DUXA: variants seen among roughly 807,000 people sequenced by gnomAD.
DUXA encodes the protein double homeobox protein A.
DUXA carries 25 observed loss-of-function variants against 27.5 expected under a neutral mutation model. That is an observed-to-expected ratio of 0.91 (90% CI 0.66 to 1.27). The LOEUF is 1.27. Among genes scored for constraint, DUXA ranks in the 50% most tolerant of loss-of-function variants. The pLI is 0.00. For synonymous variants in DUXA, 90 were observed against 80.5 expected (o/e 1.12, Z -0.63); for missense variants, 247 against 242.9 (o/e 1.02, Z -0.11).
intron 5 of DUXA, 56 bp from the exon 6 acceptor site, chr19:57,154,538 A>C: frequency 7.2e-7 from 1 of 1,382,462 alleles, no homozygotes; most frequent in Non-Finnish European, 1.0e-6. Flanking sequence ...ATATTCACAA[A>C]CATGGACGTC....
In DUXA at chr19:57,159,181, C is replaced by T; in HGVS notation, c.278G>A (p.Gly93Asp). ...SSQSQGQDQP[G>D]VEFQSREARR... Reference sequence around the variant, plus strand: ...GGGTTATTTACTTTGAAACTCCACACCAGGTTGATCTTGCCCCTGGCTCTG... The same window carrying T: ...GGGTTATTTACTTTGAAACTCCACATCAGGTTGATCTTGCCCCTGGCTCTG... The change falls in exon 3 of 6, where the codon GGT (glycine) becomes GAT (aspartate). Residue 93 changes from glycine (G) to aspartate (D), a missense_variant. By Grantham distance (94) the Gly-to-Asp change is moderately conservative (BLOSUM62 -1). Transcript: ENST00000554048. The T allele has an allele frequency of 6.2e-7, 1 of 1,613,900 alleles. No individual in the cohort carries two copies. The highest frequency in any genetic ancestry group is 1.1e-5 in the South Asian group (1 of 91,056).
intron 4 of DUXA, among the ~76,000 whole-genome samples, 166 bp from the exon 5 acceptor site, chr19:57,155,538 T>G (rs1473988566): frequency 6.6e-6 from 1 of 151,782 alleles, no homozygotes; most frequent in African/African-American, 2.4e-5. Context: ...TTAAACTTTT[T>G]GTAGAGACGA....
rs147111730 is a variant in DUXA, at chr19:57,161,111, G to C, written c.26-314C>G. The stretch of plus-strand genomic sequence containing the variant: ...GAGGTCAAGGTGGTCAGATCATGAG[G>C]TCAGGAGTTCGAGACCAGCCTGGCC... On this transcript the variant is annotated intron_variant, in intron 1 of 5. Transcript: ENST00000554048. Among the ~76,000 whole-genome samples, 795 of 151,924 alleles carry C rather than the reference G, an allele frequency of 5.2e-3. 5 individuals carry two copies. The highest frequency in any genetic ancestry group is 0.018 in the African/African-American group (733 of 41,360).
intron 1 of DUXA, among the ~76,000 whole-genome samples, chr19:57,161,539 C>A (rs574510924): frequency 6.7e-6 from 1 of 150,374 alleles, no homozygotes; most frequent in African/African-American, 2.5e-5. Flanking sequence ...AGGAGAATGG[C>A]GTGAACCCGG....
intron 1 of DUXA, among the ~76,000 whole-genome samples, chr19:57,164,648 T>C (rs2087042505): frequency 1.2e-5 from 1 of 86,208 alleles, no homozygotes; most frequent in African/African-American, 4.0e-5. Flanking sequence ...AAACAAAAAT[T>C]TTTTTTAAGA....
intron 5 of DUXA, among the ~76,000 whole-genome samples, 172 bp downstream of exon 5, chr19:57,155,095 C>G (rs904433276): frequency 6.6e-6 from 1 of 152,228 alleles, no homozygotes; most frequent in African/African-American, 2.4e-5. Context: ...TCAGAAGGTT[C>G]ATAGGCCTGG....
At chr19:57,165,324 A>ATATAAATATATATATAT (rs1555759590) in intron 1 of DUXA, among the ~76,000 whole-genome samples, 1 of 89,286 alleles carries the variant, frequency 1.1e-5, no homozygotes, top group Non-Finnish European at 2.3e-5. Flanking sequence ...AAAAAAAAAA[A>ATATAAATATATATATAT]ATATATATAT....
chr19:57,166,517 C>T (rs2087055721), intron 1 of DUXA, among the ~76,000 whole-genome samples: 1 of 152,160 alleles, frequency 6.6e-6, no homozygotes, highest in Non-Finnish European at 1.5e-5. Context: ...ACCATGTTAG[C>T]CAGGCTGGTC....
Position 57,160,626 on chromosome 19 carries a change from A to G in DUXA, c.180+17T>C, listed in dbSNP as rs769340955. ...CCTTTTTACTTCCAGTCCTGGAGAT[A>G]TTGAACTTTAACTTACCTGGATTCT... On this transcript the variant is annotated intron_variant, in intron 2 of 5. Coordinates refer to ENST00000554048, the MANE Select transcript of DUXA (RefSeq NM_001012729.2). 6.2e-7 allele frequency: 1 copy of G among 1,611,364 alleles called. No individual in the cohort carries two copies. Among genetic ancestry groups the G allele is most frequent in the Non-Finnish European group, 8.5e-7 (1 of 1,179,700 alleles).
At chr19:57,161,196 G>A (rs896618408) in intron 1 of DUXA, among the ~76,000 whole-genome samples, 2 of 151,568 alleles carry the variant, frequency 1.3e-5, no homozygotes, top group African/African-American at 4.9e-5. Context: ...GTGGTGGCGT[G>A]TGCCTGTAAT....
At position 57,160,621 on chromosome 19, in the gene DUXA, G is replaced by A. The variant is rs745787650; in HGVS notation, c.180+22C>T. ...TCCTGCCTTTTTACTTCCAGTCCTG[G>A]AGATATTGAACTTTAACTTACCTGG... On this transcript the variant is annotated intron_variant, in intron 2 of 5. Coordinates refer to ENST00000554048, the MANE Select transcript of DUXA (RefSeq NM_001012729.2). The A allele has an allele frequency of 1.3e-5, 21 of 1,610,750 alleles. No individual in the cohort carries two copies. In the Admixed American group the frequency reaches 2.3e-4, roughly 18 times the overall value.
At chr19:57,158,925 A>G (rs751186903) in intron 3 of DUXA, among the ~76,000 whole-genome samples, 9 of 152,168 alleles carry the variant, frequency 5.9e-5, no homozygotes, top group Admixed American at 4.6e-4. Context: ...CAGAGGTTGT[A>G]GTGAGCCAAG....
chr19:57,166,006 A>G (rs2087052725), intron 1 of DUXA, among the ~76,000 whole-genome samples: 1 of 152,060 alleles, frequency 6.6e-6, no homozygotes, highest in African/African-American at 2.4e-5. Flanking sequence ...TCTAAGTGCA[A>G]TAGTTAGGGA....
rs1400673776 is a variant in DUXA, at chr19:57,154,498, G to C, written c.545-16C>G. On this transcript the variant is annotated splice_polypyrimidine_tract_variant and intron_variant, in intron 5 of 5. Transcript: ENST00000554048. The stretch of plus-strand genomic sequence containing the variant: ...TCTTCTGCACCTAAGGAGGAAAAAA[G>C]ATAGAGGAAAGAATGTAAGAGATCA... 7 of 1,599,406 alleles carry C rather than the reference G, an allele frequency of 4.4e-6. No homozygotes were observed. In the East Asian group the frequency reaches 1.6e-4, roughly 36 times the overall value.
At chr19:57,155,232 C>T (rs529157053) in intron 5 of DUXA, 35 bp downstream of exon 5, 95 of 1,596,808 alleles carry the variant, frequency 5.9e-5, no homozygotes, top group Non-Finnish European at 7.8e-5. Context: ...AAGGGCTCCG[C>T]TTGTGAACCA....
At chr19:57,166,224 G>A (rs999782165) in intron 1 of DUXA, among the ~76,000 whole-genome samples, 3 of 152,258 alleles carry the variant, frequency 2.0e-5, no homozygotes, top group East Asian at 1.9e-4. Context: ...CATACCAAGC[G>A]CCACGTTATC....
chr19:57,159,105 G>C (rs1017600046), intron 3 of DUXA, 62 bp downstream of exon 3: 45 of 1,430,596 alleles, frequency 3.1e-5, no homozygotes, highest in South Asian at 6.2e-5. Flanking sequence ...TTTTTTCAAA[G>C]TCGCAGTTGG....
At chr19:57,154,645 G>C (rs552705770) in intron 5 of DUXA, among the ~76,000 whole-genome samples, 163 bp from the exon 6 acceptor site, 4 of 151,262 alleles carry the variant, frequency 2.6e-5, no homozygotes, top group Admixed American at 1.3e-4. Context: ...CTCACTGCAA[G>C]CTCCGCCTCC....
chr19:57,160,010 C>T (rs1446663000), intron 2 of DUXA, among the ~76,000 whole-genome samples: 1 of 152,058 alleles, frequency 6.6e-6, no homozygotes, highest in African/African-American at 2.4e-5. Context: ...GAGGCTGAGG[C>T]AGAAGAATCA....
Sources: gnomAD v4.1 joint callset for allele counts (sites outside exome capture counted in the v4.1 genomes callset) on GRCh38, gnomAD v4.1.1 for gene constraint, MANE v1.5 for transcripts, NCBI Gene and HGNC (gene_info 2026-07-23, HGNC 2026-07-21) for gene names.